PAPPA: variants seen among roughly 807,000 people sequenced by gnomAD.
PAPPA encodes pappalysin 1.
In PAPPA, 60 loss-of-function variants were observed where a neutral mutation model predicts 164.0. The ratio of observed to expected loss-of-function variants is 0.37; its 90% CI spans 0.30 to 0.45. The LOEUF (loss-of-function observed/expected upper bound fraction) is 0.45, where lower values mean the gene tolerates loss of function less well. PAPPA is among the 20% of genes least tolerant of loss of function. The pLI, the probability that PAPPA is intolerant of heterozygous loss-of-function variation, is 1.00. For synonymous variants in PAPPA, 875 were observed against 814.1 expected (o/e 1.07, Z -1.27); for missense variants, 1,782 against 2,087.3 (o/e 0.85, Z 2.85).
intron 13 of PAPPA, among the ~76,000 whole-genome samples, chr9:116,342,054 T>C (rs1588011895): frequency 6.6e-6 from 1 of 152,214 alleles, no homozygotes; most frequent in Non-Finnish European, 1.5e-5. Context: ...CTTTAATGGC[T>C]CTGCAACTTA....
intron 7 of PAPPA, among the ~76,000 whole-genome samples, chr9:116,253,367 A>T (rs1587973113): frequency 6.6e-6 from 1 of 152,286 alleles, no homozygotes; most frequent in South Asian, 2.1e-4. Flanking sequence ...AGCTTCATAC[A>T]TTTTTTTAAA....
chr9:116,173,337 G>A (rs1424486728), intron 1 of PAPPA, among the ~76,000 whole-genome samples: 1 of 152,092 alleles, frequency 6.6e-6, no homozygotes, highest in African/African-American at 2.4e-5. Context: ...TCATTAATGA[G>A]TCTTAAGGCT....
chr9:116,344,147 G>A (rs1846176025), intron 13 of PAPPA, among the ~76,000 whole-genome samples: 1 of 152,114 alleles, frequency 6.6e-6, no homozygotes, highest in Non-Finnish European at 1.5e-5. Context: ...TTCTCAAAAT[G>A]ATCCTTGTAA....
At chr9:116,276,089 TTCAGTGAAAAAATGTGGTA>T (rs1313799387) in intron 9 of PAPPA, among the ~76,000 whole-genome samples, 3 of 152,184 alleles carry the variant, frequency 2.0e-5, no homozygotes. Context: ...GGCCTGAGGT[TTCAGTGAAAAAATGTGGTA>T]TCAGTAAAAT....
chr9:116,320,322 C>T (rs1159562960), intron 10 of PAPPA, among the ~76,000 whole-genome samples: 1 of 152,140 alleles, frequency 6.6e-6, no homozygotes, highest in Non-Finnish European at 1.5e-5. Context: ...GGGACAGATC[C>T]CTGGAGCAAC....
intron 2 of PAPPA, among the ~76,000 whole-genome samples, chr9:116,200,882 G>A (rs1049876791): frequency 6.6e-6 from 1 of 151,936 alleles, no homozygotes; most frequent in Non-Finnish European, 1.5e-5. Context: ...AAAAAATGGA[G>A]GTAAGGAAAG....
In PAPPA at chr9:116,367,494, C is replaced by T; in HGVS notation, c.4496-151C>T. ...GTCAGGGAGAACAGAGGTGGCCCTG[C>T]CTGGCTTGCCTTCTCCTTCCCACTG... On this transcript the variant is annotated intron_variant, in intron 18 of 21. Transcript: ENST00000328252. 4.7e-6 allele frequency: 3 copies of T among 636,830 alleles called. No individual in the cohort carries two copies. In the South Asian group the frequency reaches 5.4e-5, roughly 11 times the overall value. 39.4% of individuals were successfully genotyped at this position (636,830 alleles called of 1,614,324 possible).
At chr9:116,332,015 T>G (rs1845999180) in intron 11 of PAPPA, among the ~76,000 whole-genome samples, 1 of 152,164 alleles carries the variant, frequency 6.6e-6, no homozygotes, top group Non-Finnish European at 1.5e-5. Flanking sequence ...AATCCTATGA[T>G]GTACCTGTTG....
Position 116,207,604 on chromosome 9 carries a change from G to A in PAPPA, c.1624+3G>A. ...CAAGGAGGCCCTGATGCACTTAGGT[G>A]AGTCTTAGAAACTCCTTCAGGAGGC... On this transcript the variant is annotated splice_donor_region_variant and intron_variant, in intron 3 of 21. Transcript: ENST00000328252. 3.7e-6 allele frequency: 6 copies of A among 1,612,096 alleles called. No homozygotes were observed. The highest frequency in any genetic ancestry group is 5.1e-6 in the Non-Finnish European group (6 of 1,179,044).
At chr9:116,383,233 G>C (rs969391742) in intron 21 of PAPPA, among the ~76,000 whole-genome samples, 2 of 152,214 alleles carry the variant, frequency 1.3e-5, no homozygotes, top group Admixed American at 1.3e-4. Context: ...CCAGCCAAGG[G>C]TTGGGAGGGA....
At chr9:116,230,144 T>C (rs1337788519) in intron 6 of PAPPA, among the ~76,000 whole-genome samples, 4 of 152,194 alleles carry the variant, frequency 2.6e-5, no homozygotes, top group Non-Finnish European at 1.5e-5. Flanking sequence ...TTTCCTCCTA[T>C]GTAAATTTAG....
chr9:116,326,554 C>G (rs889425710), intron 10 of PAPPA, among the ~76,000 whole-genome samples: 2 of 152,174 alleles, frequency 1.3e-5, no homozygotes, highest in African/African-American at 2.4e-5. Context: ...TTTAGTCATT[C>G]AAAGTAATAA....
intron 4 of PAPPA, among the ~76,000 whole-genome samples, chr9:116,216,549 G>C (rs950548600): frequency 8.5e-5 from 13 of 152,156 alleles, no homozygotes; most frequent in African/African-American, 4.8e-5. Context: ...CTGGAGACCA[G>C]ATGAAGTGGC....
chr9:116,303,070 T>A, intron 10 of PAPPA, 120 bp downstream of exon 10: 1 of 716,240 alleles, frequency 1.4e-6, no homozygotes, highest in Middle Eastern at 4.0e-4. Context: ...ATATCTTTAT[T>A]AAATGTACTG....
chr9:116,346,871 A>T (rs1426394999), intron 14 of PAPPA, among the ~76,000 whole-genome samples, 155 bp from the exon 15 acceptor site: 2 of 152,178 alleles, frequency 1.3e-5, no homozygotes, highest in African/African-American at 4.8e-5. Flanking sequence ...TCATGGAGTT[A>T]TTGGGATCAT....
intron 9 of PAPPA, among the ~76,000 whole-genome samples, chr9:116,285,356 A>G (rs1219933318): frequency 6.6e-6 from 1 of 151,624 alleles, no homozygotes; most frequent in African/African-American, 2.4e-5. Context: ...TTTTGTAGAC[A>G]TGGGGTCTCA....
chr9:116,298,330 A>T (rs1208031725), intron 9 of PAPPA, among the ~76,000 whole-genome samples: 1 of 152,252 alleles, frequency 6.6e-6, no homozygotes, highest in Non-Finnish European at 1.5e-5. Context: ...TCCAAAAGGA[A>T]AAGAAAGTTT....
rs73654623 is a variant in PAPPA, at chr9:116,165,867, C to T, written c.415+11280C>T. Among the ~76,000 whole-genome samples, 587 of 152,328 alleles carry T rather than the reference C, an allele frequency of 3.9e-3. 6 individuals are homozygous for T. Among genetic ancestry groups the T allele is most frequent in the African/African-American group, 0.013 (520 of 41,576 alleles). On this transcript the variant is annotated intron_variant, in intron 1 of 21. Transcript: ENST00000328252. ...GTAACTTGTTCCCTACCTTGTTCATCTGTTCCCACTATGCTTTCTGCACAC... is the reference window on the plus strand; with the variant it reads ...GTAACTTGTTCCCTACCTTGTTCATTTGTTCCCACTATGCTTTCTGCACAC...
Position 116,367,770 on chromosome 9 carries a change from C to T in PAPPA, c.4605+16C>T, listed in dbSNP as rs1197459996. The stretch of plus-strand genomic sequence containing the variant: ...ACGGGTAGAGGTGAGTGACCAGGGA[C>T]ATCTACCCACCTGCAGCTAAGGGGG... On this transcript the variant is annotated intron_variant, in intron 19 of 21. Transcript: ENST00000328252. 1 of 1,533,084 alleles carries T rather than the reference C, an allele frequency of 6.5e-7. No individual in the cohort carries two copies. Among genetic ancestry groups the T allele is most frequent in the Admixed American group, 1.7e-5 (1 of 59,808 alleles). The allele number at this position is 1,533,084 out of a possible 1,614,324, so 95.0% of individuals were successfully genotyped here.
Sources: allele counts gnomAD v4.1 joint callset (sites outside exome capture counted in the v4.1 genomes callset), GRCh38; gene constraint gnomAD v4.1.1; transcripts MANE v1.5; gene names NCBI Gene and HGNC (gene_info 2026-07-23, HGNC 2026-07-21).